NAALADL2: variants seen among roughly 807,000 people sequenced by gnomAD.
NAALADL2 encodes inactive N-acetylated-alpha-linked acidic dipeptidase-like protein 2.
NAALADL2 carries 76 observed loss-of-function variants against 87.2 expected under a neutral mutation model. The ratio of observed to expected loss-of-function variants is 0.87; its 90% CI spans 0.72 to 1.05. The LOEUF (loss-of-function observed/expected upper bound fraction) is 1.05. Among genes scored for constraint, NAALADL2 ranks in the 50% least tolerant of loss-of-function variants. The pLI is 0.00. For missense variants in NAALADL2, 1,089 were observed against 945.8 expected (o/e 1.15, Z -1.99); for synonymous variants, 354 against 331.0 (o/e 1.07, Z -0.75).
chr3:174,508,902 A>G (rs2108385259), intron 1 of NAALADL2, among the ~76,000 whole-genome samples: 1 of 152,198 alleles, frequency 6.6e-6, no homozygotes, highest in South Asian at 2.1e-4. Context: ...AATAACAATT[A>G]ATTTCTAATT....
chr3:175,447,470 C>A, intron 6 of NAALADL2, 98 bp downstream of exon 6: 2 of 772,764 alleles, frequency 2.6e-6, no homozygotes, highest in East Asian at 3.2e-5. Flanking sequence ...TTATTCTTTT[C>A]AAAAACATTG....
At chr3:174,958,920 C>T (rs916682250) in intron 1 of NAALADL2, among the ~76,000 whole-genome samples, 2 of 151,982 alleles carry the variant, frequency 1.3e-5, no homozygotes, top group Non-Finnish European at 2.9e-5. Context: ...CTTAGCAGTG[C>T]AATCAATTGT....
At chr3:175,357,981 T>A (rs1417128295) in intron 5 of NAALADL2, among the ~76,000 whole-genome samples, 1 of 152,178 alleles carries the variant, frequency 6.6e-6, no homozygotes, top group Non-Finnish European at 1.5e-5. Context: ...AAGTTCAAAC[T>A]GGCCCTGGGG....
chr3:174,693,726 T>C (rs575700809), intron 2 of NAALADL2, among the ~76,000 whole-genome samples: 4 of 152,176 alleles, frequency 2.6e-5, no homozygotes, highest in South Asian at 2.1e-4. Context: ...GAATAAACAA[T>C]GGAAGATAAG....
At chr3:175,023,205 C>T (rs1470093679) in intron 1 of NAALADL2, among the ~76,000 whole-genome samples, 1 of 151,884 alleles carries the variant, frequency 6.6e-6, no homozygotes, top group African/African-American at 2.4e-5. Context: ...TAAGAAGTAT[C>T]CAAATCAGCA....
rs549475132 is a variant in NAALADL2, at chr3:175,365,549, T to A, written c.1090+41224T>A. On this transcript the variant is annotated intron_variant, in intron 5 of 13. Transcript: ENST00000454872. ...CCCATTGTATACTTTGATAAATTTATGTAAAATTAGATTTTGTGGATTTTT... is the reference window on the plus strand; with the variant it reads ...CCCATTGTATACTTTGATAAATTTAAGTAAAATTAGATTTTGTGGATTTTT... Among the ~76,000 whole-genome samples the A allele has an allele frequency of 6.8e-5, 10 of 147,866 alleles. 1 individual carries two copies. In the South Asian group the frequency reaches 2.2e-3, roughly 33 times the overall value.
At chr3:175,703,858 T>C (rs1739314362) in intron 11 of NAALADL2, among the ~76,000 whole-genome samples, 1 of 152,214 alleles carries the variant, frequency 6.6e-6, no homozygotes, top group Admixed American at 6.5e-5. Flanking sequence ...AATTTATTTT[T>C]ATATCAGTTT....
intron 2 of NAALADL2, among the ~76,000 whole-genome samples, chr3:174,618,454 T>G: frequency 6.6e-6 from 1 of 151,872 alleles, no homozygotes. Context: ...ATTCTAAACA[T>G]AGGTAAGATT....
intron 11 of NAALADL2, among the ~76,000 whole-genome samples, chr3:175,643,196 T>C (rs924941440): frequency 6.6e-6 from 1 of 152,190 alleles, no homozygotes; most frequent in African/African-American, 2.4e-5. Context: ...TTGATAGATG[T>C]TGCAATAGTT....
intron 2 of NAALADL2, among the ~76,000 whole-genome samples, chr3:174,647,929 T>TA (rs1033579108): frequency 2.0e-5 from 3 of 152,160 alleles, no homozygotes; most frequent in Non-Finnish European, 2.9e-5. Context: ...GGAAGCAAAA[T>TA]AAAAAAACTT....
Position 174,882,733 on chromosome 3 carries a change from A to G in NAALADL2, c.43+23283A>G, listed in dbSNP as rs117669859. On this transcript the variant is annotated intron_variant, in intron 1 of 13. Coordinates refer to ENST00000454872, the MANE Select transcript of NAALADL2 (RefSeq NM_207015.3). Reference sequence around the variant, plus strand: ...TCTACACATATATGTGTATATGTGTATCTATGTGTATATACACACGTGTAT... The same window carrying G: ...TCTACACATATATGTGTATATGTGTGTCTATGTGTATATACACACGTGTAT... 0.014 allele frequency among the ~76,000 whole-genome samples: 1,978 copies of G among 145,774 alleles called. 107 individuals are homozygous for G. In the East Asian group the frequency reaches 0.18, roughly 13 times the overall value.
intron 2 of NAALADL2, among the ~76,000 whole-genome samples, chr3:175,139,982 G>T (rs1729750127): frequency 6.6e-6 from 1 of 152,068 alleles, no homozygotes. Context: ...TAAATGACAT[G>T]AGTAGATTGG....
intron 5 of NAALADL2, among the ~76,000 whole-genome samples, chr3:175,343,655 G>GTTTTTTTGTTTTTTT (rs1762799203): frequency 3.1e-5 from 2 of 64,726 alleles, no homozygotes; most frequent in South Asian, 1.4e-3. Context: ...TCTTGATCAT[G>GTTTTTTTGTTTTTTT]TTTTTTTTTT....
At chr3:174,856,516 C>T (rs1725880076), upstream of NAALADL2, among the ~76,000 whole-genome samples, 1 of 152,106 alleles carries the variant, frequency 6.6e-6, no homozygotes, top group Non-Finnish European at 1.5e-5. Flanking sequence ...CCAGTTTATT[C>T]ACACTGTAGG....
chr3:175,665,191 T>C (rs1732788781), intron 11 of NAALADL2, among the ~76,000 whole-genome samples: 1 of 152,166 alleles, frequency 6.6e-6, no homozygotes, highest in South Asian at 2.1e-4. Flanking sequence ...GAAAATGAGA[T>C]TGGTGTAATC....
chr3:174,802,309 A>G (rs1203485597), intron 3 of NAALADL2, among the ~76,000 whole-genome samples: 1 of 152,142 alleles, frequency 6.6e-6, no homozygotes. Flanking sequence ...ATAAATTTCT[A>G]AGTACTGATT....
chr3:174,536,655 G>A (rs900595196), intron 1 of NAALADL2: 1 of 152,126 alleles, frequency 6.6e-6, no homozygotes, highest in Non-Finnish European at 1.5e-5. Flanking sequence ...AGCTTTTGAT[G>A]TCTTAGGGCG....
Position 174,828,827 on chromosome 3 carries a change from A to G in NAALADL2, c.-9+91081A>G, listed in dbSNP as rs7616407. On this transcript the variant is annotated intron_variant, in intron 3 of 3. Coordinates refer to the NAALADL2 transcript ENST00000434257. ...TCCTAGTTGGAGCTACATGTATAAT[A>G]TGGGTCCAATCAGTTAAACTGTGGG... is the stretch of plus-strand genomic sequence containing the variant. 3.0e-3 allele frequency among the ~76,000 whole-genome samples: 463 copies of G among 152,352 alleles called. 5 individuals carry two copies. Among genetic ancestry groups the G allele is most frequent in the African/African-American group, 0.011 (437 of 41,576 alleles).
At chr3:175,690,625 T>C (rs551920627) in intron 11 of NAALADL2, among the ~76,000 whole-genome samples, 8 of 152,028 alleles carry the variant, frequency 5.3e-5, no homozygotes, top group African/African-American at 1.9e-4. Flanking sequence ...AGCCATAGGG[T>C]AGGAGCATTG....
Sources: gnomAD v4.1 joint callset for allele counts (sites outside exome capture counted in the v4.1 genomes callset) on GRCh38, gnomAD v4.1.1 for gene constraint, MANE v1.5 for transcripts, NCBI Gene and HGNC (gene_info 2026-07-23, HGNC 2026-07-21) for gene names.